The following NDUFAF6 variants were observed in gnomAD, a reference collection of about 807,000 sequenced individuals.
NDUFAF6 encodes NADH:ubiquinone oxidoreductase complex assembly factor 6, also known as NADH dehydrogenase (ubiquinone) complex I, assembly factor 6.
A neutral mutation model predicts 40.8 loss-of-function variants in NDUFAF6; 45 were observed. The ratio of observed to expected loss-of-function variants is 1.10; its 90% CI spans 0.87 to 1.42. The LOEUF is 1.42. Ranked by LOEUF, NDUFAF6 falls within the 40% of genes most tolerant of loss-of-function variation. NDUFAF6 has a pLI of 0.00. For synonymous variants in NDUFAF6, 185 were observed against 155.9 expected (o/e 1.19, Z -1.39); for missense variants, 435 against 418.5 (o/e 1.04, Z -0.34).
chr8:94,945,871 AC>A (rs1391367140), intron 2 of NDUFAF6, among the ~76,000 whole-genome samples: 1 of 152,116 alleles, frequency 6.6e-6, no homozygotes, highest in Admixed American at 6.5e-5. Flanking sequence ...AGAGAAAAGA[AC>A]CCCTCAATAC....
intron 1 of NDUFAF6, among the ~76,000 whole-genome samples, chr8:94,935,903 T>G (rs917153425): frequency 1.3e-5 from 2 of 152,206 alleles, no homozygotes; most frequent in Non-Finnish European, 2.9e-5. Flanking sequence ...ACAAAAGGCA[T>G]GTAAATCTGC....
chr8:95,061,405 G>A (rs2599710), downstream of NDUFAF6, among the ~76,000 whole-genome samples: 44,185 of 152,024 alleles, frequency 0.29, 6,884 homozygotes, highest in Non-Finnish European at 0.35. Context: ...ACATTATGTG[G>A]TTCTTTACTG....
chr8:94,997,333 C>CAG (rs1198403849), intron 2 of NDUFAF6, among the ~76,000 whole-genome samples: 10 of 138,480 alleles, frequency 7.2e-5, no homozygotes, highest in African/African-American at 2.5e-4. Context: ...CACACACACA[C>CAG]ACACACACAC....
chr8:95,033,812 C>T (rs1211262597), intron 2 of NDUFAF6, among the ~76,000 whole-genome samples: 1 of 152,078 alleles, frequency 6.6e-6, no homozygotes, highest in Non-Finnish European at 1.5e-5. Context: ...GCAATTGTGC[C>T]TGCTTAAAGA....
chr8:94,971,456 T>C (rs528744589), intron 1 of NDUFAF6, among the ~76,000 whole-genome samples: 23 of 152,292 alleles, frequency 1.5e-4, no homozygotes, highest in South Asian at 1.0e-3. Context: ...AGATGGATCA[T>C]TGGGCTTCTT....
downstream of NDUFAF6, among the ~76,000 whole-genome samples, chr8:95,105,084 G>C (rs982126580): frequency 0.022 from 3,183 of 143,376 alleles, 101 homozygotes; most frequent in African/African-American, 0.076. Flanking sequence ...GAGAGAGAGA[G>C]AGAGAGAGAG....
intron 2 of NDUFAF6, chr8:94,950,417 G>C (rs988659311): frequency 6.6e-6 from 1 of 152,330 alleles, no homozygotes; most frequent in Non-Finnish European, 1.5e-5. Flanking sequence ...CTGGGATGTA[G>C]TTCTTTGACC....
chr8:95,100,741 A>G (rs1232239506), intron 1 of NDUFAF6, among the ~76,000 whole-genome samples: 1 of 152,216 alleles, frequency 6.6e-6, no homozygotes, highest in Non-Finnish European at 1.5e-5. Context: ...TTGTGTCCAT[A>G]AACTAATACA....
In NDUFAF6 at chr8:95,048,547, C is replaced by G. The variant is rs768273248; in HGVS notation, c.805C>G (p.His269Asp). ...TGACATTGCCAGTCAAGCACACTTG[C>G]ACCTAAAGCATGTAAGTCGGCTTTT... is the stretch of plus-strand genomic sequence containing the variant. ...IYDIASQAHLHLKHARSFHKT... is the reference protein window; with the variant it reads ...IYDIASQAHLDLKHARSFHKT... Residue 269 changes from histidine (H) to aspartate (D), a missense_variant, in exon 7 of 9, where the codon CAC (histidine) becomes GAC (aspartate). Transcript: ENST00000396124. The G allele has an allele frequency of 5.6e-6, 9 of 1,613,562 alleles. No individual in the cohort carries two copies. In the East Asian group the frequency reaches 1.8e-4, roughly 32 times the overall value.
chr8:94,970,890 C>T (rs966552330), intron 1 of NDUFAF6, among the ~76,000 whole-genome samples: 1 of 152,212 alleles, frequency 6.6e-6, no homozygotes. Flanking sequence ...TCATGCAGCA[C>T]ACCTTTGTCT....
intron 2 of NDUFAF6, among the ~76,000 whole-genome samples, chr8:94,991,944 CAG>C (rs1826213964): frequency 6.6e-6 from 1 of 152,040 alleles, no homozygotes; most frequent in Admixed American, 6.6e-5. Context: ...TATTCTTGTA[CAG>C]AGTGTCATTT....
In NDUFAF6 at chr8:95,086,044, G is replaced by A. The variant is rs1809033378; in HGVS notation, n.213+10292G>A. Among the ~76,000 whole-genome samples the A allele has an allele frequency of 2.0e-5, 3 of 152,110 alleles. No individual in the cohort carries two copies. The South Asian group carries it at 6.2e-4, about 32-fold the overall frequency. The stretch of plus-strand genomic sequence containing the variant: ...ATGATCCACAGCTTACCCAGCAACA[G>A]GAAGAGCGACAAACTTCCTTGCATC... On this transcript the variant is annotated intron_variant and non_coding_transcript_variant, in intron 2 of 5. Coordinates refer to the NDUFAF6 transcript ENST00000523184.
chr8:94,906,712 G>C (rs1298768634), intron 1 of NDUFAF6, among the ~76,000 whole-genome samples: 1 of 152,190 alleles, frequency 6.6e-6, no homozygotes. Flanking sequence ...CACCTTGGTG[G>C]TTCCTAGTAA....
At chr8:95,108,135 C>G (rs1466748836), downstream of NDUFAF6, among the ~76,000 whole-genome samples, 1 of 152,020 alleles carries the variant, frequency 6.6e-6, no homozygotes, top group Non-Finnish European at 1.5e-5. Context: ...AAATGGACAG[C>G]TGCTATGGAA....
chr8:95,045,679 T>C lies in NDUFAF6; in HGVS notation c.580+32T>C, dbSNP rs773181186. ...TGTTTTTCTGTTTCATACTTCTTTTTTCCAATAAAATACCTATGAGATTTC... is the reference window on the plus strand; with the variant it reads ...TGTTTTTCTGTTTCATACTTCTTTTCTCCAATAAAATACCTATGAGATTTC... On this transcript the variant is annotated intron_variant, in intron 5 of 8. Coordinates refer to ENST00000396124, the MANE Select transcript of NDUFAF6 (RefSeq NM_152416.4). 1.9e-6 allele frequency: 3 copies of C among 1,548,600 alleles called. No individual in the cohort carries two copies. The East Asian group carries it at 6.8e-5, about 35-fold the overall frequency.
intron 1 of NDUFAF6, among the ~76,000 whole-genome samples, chr8:95,027,602 T>G (rs1366387642): frequency 1.3e-5 from 2 of 150,986 alleles, no homozygotes; most frequent in African/African-American, 2.4e-5. Context: ...AAAAAAAGAT[T>G]CGGTTTTTTC....
intron 2 of NDUFAF6, among the ~76,000 whole-genome samples, chr8:94,983,090 G>T (rs117068289): frequency 0.032 from 4,842 of 152,124 alleles, 99 homozygotes; most frequent in Middle Eastern, 0.048. Flanking sequence ...TGTGGTCATT[G>T]CAAAAACTAA....
At chr8:95,097,642 T>C (rs1010233223), upstream of NDUFAF6, among the ~76,000 whole-genome samples, 1 of 152,176 alleles carries the variant, frequency 6.6e-6, no homozygotes, top group South Asian at 2.1e-4. Context: ...GAGGTTGCAG[T>C]GAACTGAGAT....
intron 1 of NDUFAF6, among the ~76,000 whole-genome samples, chr8:94,923,524 A>G (rs1375184141): frequency 1.2e-4 from 19 of 152,076 alleles, no homozygotes; most frequent in Non-Finnish European, 1.5e-5. Context: ...CCTGTCTTCT[A>G]TTCCAACCCT....
Sources: gnomAD v4.1 joint callset for allele counts (sites outside exome capture counted in the v4.1 genomes callset) on GRCh38, gnomAD v4.1.1 for gene constraint, MANE v1.5 for transcripts, NCBI Gene and HGNC (gene_info 2026-07-23, HGNC 2026-07-21) for gene names.